Variants in RNF169 observed in about 807,000 individuals in gnomAD.
The protein encoded by RNF169 is E3 ubiquitin-protein ligase RNF169.
RNF169 carries 24 observed loss-of-function variants against 53.9 expected under a neutral mutation model. That is an observed-to-expected ratio of 0.45 (90% CI 0.32 to 0.63). The LOEUF (loss-of-function observed/expected upper bound fraction) is 0.63. Among genes scored for constraint, RNF169 ranks in the 20% least tolerant of loss-of-function variants. The pLI is 0.04. For synonymous variants in RNF169, 396 were observed against 363.5 expected (o/e 1.09, Z -1.02); for missense variants, 883 against 906.2 (o/e 0.97, Z 0.33).
chr11:74,810,462 A>G, intron 3 of RNF169, 132 bp downstream of exon 3: 1 of 823,346 alleles, frequency 1.2e-6, no homozygotes, highest in Non-Finnish European at 2.0e-6. Flanking sequence ...GCTTAAGAGT[A>G]GTGAAGAACT....
At chr11:74,763,333 A>G (rs2035119570) in intron 1 of RNF169, among the ~76,000 whole-genome samples, 1 of 152,176 alleles carries the variant, frequency 6.6e-6, no homozygotes, top group African/African-American at 2.4e-5. Context: ...ACATGAGGAA[A>G]TGGCTTTGTA....
At chr11:74,824,674 C>T (rs929122194) in intron 4 of RNF169, among the ~76,000 whole-genome samples, 1 of 152,110 alleles carries the variant, frequency 6.6e-6, no homozygotes, top group East Asian at 1.9e-4. Flanking sequence ...ATTACCAAAA[C>T]GTGACACAAG....
At chr11:74,829,612 A>T (rs1257527502) in intron 4 of RNF169, among the ~76,000 whole-genome samples, 4 of 152,222 alleles carry the variant, frequency 2.6e-5, no homozygotes, top group Non-Finnish European at 5.9e-5. Context: ...TCAGTGATAG[A>T]CCGAATAAAG....
At chr11:74,807,969 A>G (rs1230822647) in intron 2 of RNF169, 1 of 152,202 alleles carries the variant, frequency 6.6e-6, no homozygotes, top group African/African-American at 2.4e-5. Context: ...CACTTTTGTA[A>G]ATTTTTAGCT....
Position 74,833,549 on chromosome 11 carries a change from A to G in RNF169, c.843-1127A>G, listed in dbSNP as rs17244956. ...TTTATGCCGTTTCTGCTTCCTATGCATACTTTTTTTTGTTGTGCCCTTTCA... is the reference window on the plus strand; with the variant it reads ...TTTATGCCGTTTCTGCTTCCTATGCGTACTTTTTTTTGTTGTGCCCTTTCA... On this transcript the variant is annotated intron_variant, in intron 4 of 5. Transcript: ENST00000299563. Among the ~76,000 whole-genome samples the G allele has an allele frequency of 8.9e-3, 1,361 of 152,166 alleles. 9 individuals carry two copies. The highest frequency in any genetic ancestry group is 0.02 in the Middle Eastern group (6 of 294).
intron 3 of RNF169, among the ~76,000 whole-genome samples, chr11:74,815,309 A>G (rs2035928717): frequency 1.3e-5 from 2 of 152,246 alleles, no homozygotes; most frequent in Admixed American, 1.3e-4. Flanking sequence ...TAATCCCAGC[A>G]CTTTGGGAGG....
At chr11:74,792,151 G>GT (rs1412024057) in intron 2 of RNF169, among the ~76,000 whole-genome samples, 2 of 152,086 alleles carry the variant, frequency 1.3e-5, no homozygotes, top group African/African-American at 4.8e-5. Context: ...GCATTGTGAG[G>GT]TTTTTGTCTC....
chr11:74,802,935 G>T (rs949449309), intron 2 of RNF169, among the ~76,000 whole-genome samples: 6 of 150,244 alleles, frequency 4.0e-5, no homozygotes, highest in Admixed American at 3.3e-4. Context: ...TTTGGGGGGG[G>T]GTGGGGACGG....
intron 2 of RNF169, among the ~76,000 whole-genome samples, chr11:74,804,442 CTG>C (rs1356008281): frequency 6.6e-6 from 1 of 152,200 alleles, no homozygotes; most frequent in Non-Finnish European, 1.5e-5. Context: ...CCTGTCATAT[CTG>C]TCATGTTTTT....
intron 1 of RNF169, among the ~76,000 whole-genome samples, chr11:74,786,166 C>G (rs933884038): frequency 1.3e-5 from 2 of 151,724 alleles, no homozygotes; most frequent in Admixed American, 1.3e-4. Flanking sequence ...GTCTTGATCT[C>G]CTGACCTTGT....
intron 4 of RNF169, among the ~76,000 whole-genome samples, chr11:74,822,271 G>A (rs2036023313): frequency 6.6e-6 from 1 of 152,090 alleles, no homozygotes; most frequent in African/African-American, 2.4e-5. Flanking sequence ...ATGGCCATTT[G>A]ACACCCTTTA....
rs942441656 is a variant in RNF169, at chr11:74,817,706, C to T, written c.834C>T (p.Phe278=). 8.1e-6 allele frequency: 13 copies of T among 1,605,008 alleles called. No individual in the cohort carries two copies. The highest frequency in any genetic ancestry group is 1.1e-5 in the South Asian group (1 of 90,910). Residue 278 remains phenylalanine, a synonymous_variant, in exon 4 of 6, where the codon TTC becomes TTT. Coordinates refer to ENST00000299563, the MANE Select transcript of RNF169 (RefSeq NM_001098638.2). ...AGAACAACTCCTACTCCTTAGCTTT[C>T]CTGGCAGGGTAAGAGACTGATGCTG... ...VSKNNSYSLA[F]LAGKLNSKVE... is the part of the protein sequence containing the mutation.
At position 74,755,572 on chromosome 11, in the gene RNF169, C is replaced by T. The variant is rs550148648; in HGVS notation, c.502+6190C>T. Among the ~76,000 whole-genome samples the T allele has an allele frequency of 1.1e-4, 16 of 152,324 alleles. No individual in the cohort carries two copies. In the East Asian group the frequency reaches 3.1e-3, roughly 29 times the overall value. On this transcript the variant is annotated intron_variant, in intron 1 of 5. Coordinates refer to ENST00000299563, the MANE Select transcript of RNF169 (RefSeq NM_001098638.2). ...ACTCCACAGTGTGGTTGGGGAAACACATACTCAAATAACAATACAACGTGT... is the reference window on the plus strand; with the variant it reads ...ACTCCACAGTGTGGTTGGGGAAACATATACTCAAATAACAATACAACGTGT...
At chr11:74,773,229 A>G (rs1012745291) in intron 1 of RNF169, among the ~76,000 whole-genome samples, 82 of 152,298 alleles carry the variant, frequency 5.4e-4, no homozygotes, top group African/African-American at 1.9e-3. Flanking sequence ...AATATCTGGC[A>G]TATAGTAGGT....
At chr11:74,793,879 A>G (rs1437862289) in intron 2 of RNF169, among the ~76,000 whole-genome samples, 1 of 152,174 alleles carries the variant, frequency 6.6e-6, no homozygotes. Context: ...TCCTTCCCAG[A>G]AGTACCTAGA....
chr11:74,812,132 C>A (rs1397231415), intron 3 of RNF169, among the ~76,000 whole-genome samples: 1 of 152,126 alleles, frequency 6.6e-6, no homozygotes, highest in Non-Finnish European at 1.5e-5. Context: ...GTGCAGCCAC[C>A]TAATTTTAAT....
At chr11:74,780,857 A>G (rs1565175371) in intron 1 of RNF169, among the ~76,000 whole-genome samples, 1 of 152,206 alleles carries the variant, frequency 6.6e-6, no homozygotes. Flanking sequence ...AAGAGGCAAA[A>G]ACGTCAGTGG....
intron 3 of RNF169, among the ~76,000 whole-genome samples, chr11:74,814,582 G>A (rs186035179): frequency 6.6e-6 from 1 of 151,488 alleles, no homozygotes; most frequent in East Asian, 2.0e-4. Flanking sequence ...GTAGAGACAG[G>A]GTCTCACTGT....
intron 1 of RNF169, among the ~76,000 whole-genome samples, chr11:74,758,806 C>A (rs1051029269): frequency 4.6e-5 from 7 of 151,958 alleles, no homozygotes; most frequent in African/African-American, 1.7e-4. Context: ...GCCCGGCCGT[C>A]CATATGAACT....
Sources: allele counts gnomAD v4.1 joint callset (sites outside exome capture counted in the v4.1 genomes callset), GRCh38; gene constraint gnomAD v4.1.1; transcripts MANE v1.5; gene names NCBI Gene and HGNC (gene_info 2026-07-23, HGNC 2026-07-21).